The following PABPC4L variants were observed in gnomAD, a reference collection of about 807,000 sequenced individuals.
PABPC4L encodes the protein poly(A) binding protein cytoplasmic 4 like.
For missense variants in PABPC4L, 452 were observed against 451.4 expected, an observed-to-expected ratio of 1.00 and a Z score of -0.01; for synonymous variants, 169 against 164.1, an observed-to-expected ratio of 1.03 and a Z score of -0.23.
the PABPC4L span, among the ~76,000 whole-genome samples, chr4:134,017,518 C>G: frequency 1.3e-5 from 2 of 152,262 alleles, no homozygotes; most frequent in Middle Eastern, 3.4e-3. Context: ...CAAGCCATCA[C>G]AGCTGATACC....
At chr4:134,158,999 C>A in the PABPC4L span, among the ~76,000 whole-genome samples, 3 of 151,946 alleles carry the variant, frequency 2.0e-5, no homozygotes, top group African/African-American at 7.3e-5. Context: ...CATATTGATA[C>A]ATAGAAAAAG....
chr4:134,091,222 A>T, the PABPC4L span, among the ~76,000 whole-genome samples: 1 of 151,880 alleles, frequency 6.6e-6, no homozygotes, highest in Admixed American at 6.6e-5. Context: ...TACGCTTTCT[A>T]CATTTAGTAT....
chr4:134,071,088 T>C, the PABPC4L span, among the ~76,000 whole-genome samples: 1 of 152,098 alleles, frequency 6.6e-6, no homozygotes, highest in African/African-American at 2.4e-5. Context: ...AGCTGAAGTG[T>C]TTGTGGAGGT....
chr4:134,143,534 C>T, the PABPC4L span, among the ~76,000 whole-genome samples: 1 of 150,370 alleles, frequency 6.7e-6, no homozygotes, highest in African/African-American at 2.4e-5. Context: ...TATGTTAATA[C>T]ACAAAATTAA....
the PABPC4L span, among the ~76,000 whole-genome samples, chr4:134,181,340 C>A: frequency 2.0e-5 from 3 of 151,754 alleles, no homozygotes; most frequent in East Asian, 5.8e-4. Flanking sequence ...TTAAATACCC[C>A]CAACAGACTA....
the PABPC4L span, among the ~76,000 whole-genome samples, chr4:133,990,645 C>G: frequency 1.3e-5 from 2 of 152,136 alleles, no homozygotes; most frequent in Non-Finnish European, 2.9e-5. Flanking sequence ...CAGCAGCCCC[C>G]CTAAGCCAAA....
At chr4:134,019,219 T>A in the PABPC4L span, among the ~76,000 whole-genome samples, 2 of 152,170 alleles carry the variant, frequency 1.3e-5, no homozygotes, top group African/African-American at 4.8e-5. Context: ...ATATTGGGCA[T>A]TAGCATTCAT....
Position 134,199,887 on chromosome 4 carries a change from G to C in PABPC4L, c.*20C>G. On this transcript the variant is annotated 3_prime_UTR_variant, in exon 2 of 2. Transcript: ENST00000421491. ...TCCCACCTGCTGCAGATACTAGCTG[G>C]AAAGGTACGTTTTTCTTTCCTAGTG... is the stretch of plus-strand genomic sequence containing the variant. 6.5e-7 allele frequency: 1 copy of C among 1,549,002 alleles called. No homozygotes were observed. The highest frequency in any genetic ancestry group is 8.7e-7 in the Non-Finnish European group (1 of 1,146,338).
the PABPC4L span, among the ~76,000 whole-genome samples, chr4:133,974,584 G>C: frequency 6.6e-6 from 1 of 151,964 alleles, no homozygotes; most frequent in African/African-American, 2.4e-5. Context: ...TAAGTAAAAA[G>C]ATAACCAACA....
the PABPC4L span, among the ~76,000 whole-genome samples, chr4:134,104,847 C>T: frequency 6.6e-6 from 1 of 151,722 alleles, no homozygotes; most frequent in African/African-American, 2.4e-5. Flanking sequence ...CAATTATCTA[C>T]ACAAAAATAT....
the PABPC4L span, among the ~76,000 whole-genome samples, chr4:134,135,393 T>A: frequency 6.6e-6 from 1 of 152,166 alleles, no homozygotes; most frequent in Non-Finnish European, 1.5e-5. Flanking sequence ...CCATTTTCAC[T>A]TCCTGTCAAA....
chr4:134,026,972 GA>G, the PABPC4L span, among the ~76,000 whole-genome samples: 36 of 149,606 alleles, frequency 2.4e-4, no homozygotes, highest in East Asian at 1.8e-3. Context: ...CCTGCAGAGG[GA>G]AAAAAAAAAT....
At chr4:134,179,563 A>G in the PABPC4L span, among the ~76,000 whole-genome samples, 1 of 152,168 alleles carries the variant, frequency 6.6e-6, no homozygotes, top group Non-Finnish European at 1.5e-5. Context: ...TAAATGAGCT[A>G]AATGCCACAA....
At chr4:134,047,465 G>T in the PABPC4L span, among the ~76,000 whole-genome samples, 1 of 152,074 alleles carries the variant, frequency 6.6e-6, no homozygotes, top group African/African-American at 2.4e-5. Context: ...ATAGCTAGAG[G>T]CACGTCTTTG....
At chr4:134,201,453 GC>G (rs1425736896) in intron 1 of PABPC4L, among the ~76,000 whole-genome samples, 1 of 152,154 alleles carries the variant, frequency 6.6e-6, no homozygotes, top group Non-Finnish European at 1.5e-5. Flanking sequence ...GGCGTCAGAG[GC>G]CCCAGCCGTG....
At chr4:133,961,464 A>G in the PABPC4L span, among the ~76,000 whole-genome samples, 7 of 152,186 alleles carry the variant, frequency 4.6e-5, no homozygotes, top group Non-Finnish European at 8.8e-5. Flanking sequence ...ATCAGGCAGT[A>G]AAGAGAGCTC....
chr4:134,139,455 A>C, the PABPC4L span, among the ~76,000 whole-genome samples: 1 of 151,986 alleles, frequency 6.6e-6, no homozygotes, highest in Non-Finnish European at 1.5e-5. Context: ...CAACCAGCTT[A>C]TAAGTGAAAA....
chr4:134,100,199 A>C, the PABPC4L span, among the ~76,000 whole-genome samples: 4 of 151,684 alleles, frequency 2.6e-5, no homozygotes, highest in Non-Finnish European at 4.4e-5. Context: ...CAGCACATGA[A>C]TTGATTTAAG....
the PABPC4L span, among the ~76,000 whole-genome samples, chr4:133,993,810 G>C: frequency 6.6e-6 from 1 of 152,204 alleles, no homozygotes; most frequent in African/African-American, 2.4e-5. Context: ...GGACCAGGCA[G>C]TGAGCTGTGG....
Sources: allele counts gnomAD v4.1 joint callset (sites outside exome capture counted in the v4.1 genomes callset), GRCh38; gene constraint gnomAD v4.1.1; transcripts MANE v1.5; gene names NCBI Gene and HGNC (gene_info 2026-07-23, HGNC 2026-07-21).